The following DOK6 variants were observed in gnomAD, a reference collection of about 807,000 sequenced individuals.
The protein encoded by DOK6 is downstream of tyrosine kinase 6.
In DOK6, 22 loss-of-function variants were observed where a neutral mutation model predicts 44.0. The observed-to-expected ratio is 0.50, with a 90% CI of 0.36 to 0.71. The LOEUF (loss-of-function observed/expected upper bound fraction) is 0.71. DOK6 is among the 30% of genes least tolerant of loss of function. DOK6 has a pLI of 0.00. For missense variants in DOK6, 340 were observed against 416.4 expected, an observed-to-expected ratio of 0.82 and a Z score of 1.60; for synonymous variants, 166 against 145.5, an observed-to-expected ratio of 1.14 and a Z score of -1.01.
chr18:69,796,336 G>C (rs1231460274), intron 7 of DOK6, among the ~76,000 whole-genome samples: 3 of 152,104 alleles, frequency 2.0e-5, no homozygotes, highest in Non-Finnish European at 2.9e-5. Flanking sequence ...TGTCTGCAAC[G>C]ATAATAGCAG....
chr18:69,527,512 C>T (rs1434383515), intron 1 of DOK6, among the ~76,000 whole-genome samples: 2 of 152,174 alleles, frequency 1.3e-5, no homozygotes, highest in South Asian at 2.1e-4. Context: ...TAACTGCCCC[C>T]GTGATTCAAC....
chr18:69,426,137 T>C (rs1978628781), intron 1 of DOK6, among the ~76,000 whole-genome samples: 1 of 152,158 alleles, frequency 6.6e-6, no homozygotes, highest in Non-Finnish European at 1.5e-5. Flanking sequence ...CCATTCATGT[T>C]CAATGCTACT....
At chr18:69,437,386 T>G (rs36148833) in intron 1 of DOK6, among the ~76,000 whole-genome samples, 10 of 152,230 alleles carry the variant, frequency 6.6e-5, no homozygotes, top group African/African-American at 2.4e-4. Flanking sequence ...GCTAGCCAGT[T>G]TTCCCAAGAC....
At chr18:69,470,223 T>C (rs1381880320) in intron 1 of DOK6, 1 of 152,306 alleles carries the variant, frequency 6.6e-6, no homozygotes, top group Non-Finnish European at 1.5e-5. Flanking sequence ...TCAAGCAGGC[T>C]CTGAGGTGCT....
intron 1 of DOK6, among the ~76,000 whole-genome samples, chr18:69,418,850 G>A (rs1009322617): frequency 6.6e-6 from 1 of 152,038 alleles, no homozygotes; most frequent in East Asian, 1.9e-4. Context: ...TTTCATATGA[G>A]AGTAATAGTT....
Position 69,838,732 on chromosome 18 carries a change from T to C in DOK6, c.857-2512T>C, listed in dbSNP as rs75643589. ...GTTCTAGCTCCAGAGATCCTACTTC[T>C]AACCTCTAACTACTCCCTTAAAATC... is the stretch of plus-strand genomic sequence containing the variant. On this transcript the variant is annotated intron_variant, in intron 7 of 7. Coordinates refer to ENST00000382713, the MANE Select transcript of DOK6 (RefSeq NM_152721.6). Among the ~76,000 whole-genome samples the C allele has an allele frequency of 2.3e-4, 35 of 151,938 alleles. No homozygotes were observed. In the East Asian group the frequency reaches 5.8e-3, roughly 25 times the overall value.
intron 7 of DOK6, among the ~76,000 whole-genome samples, chr18:69,796,253 T>C (rs1980741879): frequency 6.6e-6 from 1 of 152,156 alleles, no homozygotes; most frequent in Admixed American, 6.6e-5. Flanking sequence ...GGCTTTGGGA[T>C]CCACATTTAC....
intron 1 of DOK6, among the ~76,000 whole-genome samples, chr18:69,443,616 A>T (rs944512587): frequency 6.6e-6 from 1 of 151,626 alleles, no homozygotes; most frequent in Non-Finnish European, 1.5e-5. Flanking sequence ...GACAGTCTAA[A>T]CTCCTTAGTG....
intron 3 of DOK6, among the ~76,000 whole-genome samples, chr18:69,625,685 T>TCAG (rs144345282): frequency 0.026 from 3,965 of 152,264 alleles, 167 homozygotes; most frequent in African/African-American, 0.09. Context: ...ATTTCCCATG[T>TCAG]CAGCAGCAGC....
At chr18:69,728,205 G>A (rs576015460) in intron 5 of DOK6, among the ~76,000 whole-genome samples, 6 of 152,350 alleles carry the variant, frequency 3.9e-5, no homozygotes, top group African/African-American at 1.4e-4. Flanking sequence ...GGGGAGTCAG[G>A]AGTGTAACCT....
At chr18:69,498,813 A>G (rs1980969110) in intron 1 of DOK6, among the ~76,000 whole-genome samples, 1 of 152,230 alleles carries the variant, frequency 6.6e-6, no homozygotes, top group Admixed American at 6.6e-5. Context: ...TGGGAAACAT[A>G]GTGCCTGGCA....
At chr18:69,736,895 A>T (rs1257161787) in intron 5 of DOK6, among the ~76,000 whole-genome samples, 1 of 152,178 alleles carries the variant, frequency 6.6e-6, no homozygotes, top group Admixed American at 6.5e-5. Flanking sequence ...TGTGCATGTG[A>T]GTCACCTTGG....
At chr18:69,790,829 A>G (rs1441404725) in intron 7 of DOK6, among the ~76,000 whole-genome samples, 1 of 152,032 alleles carries the variant, frequency 6.6e-6, no homozygotes, top group Non-Finnish European at 1.5e-5. Context: ...TGTTCAATAA[A>G]TTTTTGTTGA....
intron 5 of DOK6, among the ~76,000 whole-genome samples, chr18:69,719,448 G>A (rs1986957185): frequency 6.6e-6 from 1 of 152,244 alleles, no homozygotes; most frequent in South Asian, 2.1e-4. Context: ...TTATCTGTTG[G>A]AGCAACTGGG....
intron 6 of DOK6, among the ~76,000 whole-genome samples, chr18:69,757,198 G>C (rs1419121543): frequency 6.6e-6 from 1 of 152,072 alleles, no homozygotes; most frequent in East Asian, 1.9e-4. Flanking sequence ...TTCTATAACA[G>C]GGGCAAGGAA....
intron 5 of DOK6, among the ~76,000 whole-genome samples, chr18:69,709,170 G>A (rs1016016388): frequency 7.9e-5 from 12 of 152,018 alleles, no homozygotes; most frequent in Non-Finnish European, 1.3e-4. Flanking sequence ...AACATCCATC[G>A]TATGACTCTG....
chr18:69,572,185 A>G (rs1013918748), intron 2 of DOK6, among the ~76,000 whole-genome samples: 1 of 152,118 alleles, frequency 6.6e-6, no homozygotes, highest in African/African-American at 2.4e-5. Flanking sequence ...ATAGATTGCA[A>G]TAAGCCTTAT....
chr18:69,521,459 CAT>C (rs1193549571), intron 1 of DOK6, among the ~76,000 whole-genome samples: 17 of 124,302 alleles, frequency 1.4e-4, no homozygotes, highest in Non-Finnish European at 2.2e-4. Flanking sequence ...AAAAAAAAAA[CAT>C]GTGAATCAAA....
chr18:69,481,849 A>T (rs1234055646), intron 1 of DOK6, among the ~76,000 whole-genome samples: 1 of 152,174 alleles, frequency 6.6e-6, no homozygotes, highest in Non-Finnish European at 1.5e-5. Context: ...ACAGAGTAAA[A>T]GTGTTCCTAT....
Sources: allele counts gnomAD v4.1 joint callset (sites outside exome capture counted in the v4.1 genomes callset), GRCh38; gene constraint gnomAD v4.1.1; transcripts MANE v1.5; gene names NCBI Gene and HGNC (gene_info 2026-07-23, HGNC 2026-07-21).